RPH3AL: variants seen among roughly 807,000 people sequenced by gnomAD.
The protein encoded by RPH3AL is rabphilin 3A like (without C2 domains).
Under a neutral mutation model 43.1 loss-of-function variants are expected in RPH3AL, and 38 were observed. The ratio of observed to expected loss-of-function variants is 0.88; its 90% CI spans 0.68 to 1.15. The LOEUF (loss-of-function observed/expected upper bound fraction) is 1.15. Among genes scored for constraint, RPH3AL ranks in the 50% most tolerant of loss-of-function variants. The pLI is 0.00. For missense variants in RPH3AL, 462 were observed against 423.2 expected (o/e 1.09, Z -0.81); for synonymous variants, 189 against 176.3 (o/e 1.07, Z -0.57).
At chr17:350,072 C>T (rs1012501556) in intron 1 of RPH3AL, among the ~76,000 whole-genome samples, 4 of 151,650 alleles carry the variant, frequency 2.6e-5, no homozygotes, top group Non-Finnish European at 5.9e-5. Flanking sequence ...CTACAGCTAA[C>T]CAGCGGTTTA....
chr17:218,805 C>T (rs771908870), intron 8 of RPH3AL, among the ~76,000 whole-genome samples: 11 of 152,168 alleles, frequency 7.2e-5, no homozygotes, highest in Non-Finnish European at 1.3e-4. Flanking sequence ...CACTTGCTAA[C>T]GAGAAGGAAA....
intron 5 of RPH3AL, among the ~76,000 whole-genome samples, chr17:294,309 A>G (rs1478089908): frequency 6.8e-6 from 1 of 147,886 alleles, no homozygotes; most frequent in Non-Finnish European, 1.5e-5. Context: ...AAAAAAAAAA[A>G]TACAAAAATT....
chr17:286,087 G>A (rs950552819), intron 5 of RPH3AL, among the ~76,000 whole-genome samples: 3 of 152,184 alleles, frequency 2.0e-5, no homozygotes, highest in Admixed American at 1.3e-4. Flanking sequence ...GGGGTTTGAG[G>A]GACAAATGTG....
intron 3 of RPH3AL, 40 bp downstream of exon 3, chr17:327,427 A>T: frequency 6.4e-7 from 1 of 1,557,644 alleles, no homozygotes; most frequent in Non-Finnish European, 8.9e-7. Flanking sequence ...GCAGGGAGGC[A>T]GAAGGAAGGG....
At chr17:317,144 G>GC (rs2044278723) in intron 5 of RPH3AL, among the ~76,000 whole-genome samples, 1 of 84,328 alleles carries the variant, frequency 1.2e-5, no homozygotes, top group African/African-American at 4.1e-5. Flanking sequence ...TAGTCCCTGT[G>GC]CCCCACCTCC....
rs907628154 is a variant in RPH3AL at position 212,509 on chromosome 17, C to T, written c.*1343G>A. 6.6e-6 allele frequency: 1 copy of T among 152,098 alleles called. No homozygotes were observed. Among genetic ancestry groups the T allele is most frequent in the Non-Finnish European group, 1.5e-5 (1 of 68,032 alleles). The allele number at this position is 152,098 out of a possible 1,614,324, so 9.4% of individuals were successfully genotyped here. On this transcript the variant is annotated 3_prime_UTR_variant, in exon 10 of 10. Transcript: ENST00000331302. ...ACACTGGCTCGGTGCAAATTTTAAT[C>T]TTCATTGTTTTAATTCTGAAGCATA... is the stretch of plus-strand genomic sequence containing the variant.
At chr17:332,098 G>C (rs866438576) in intron 2 of RPH3AL, 2 of 356,226 alleles carry the variant, frequency 5.6e-6, no homozygotes, top group Admixed American at 7.5e-5. Flanking sequence ...GGGAGAAGAC[G>C]GAGGAGATTT....
At chr17:332,008 G>A (rs1351644982) in intron 2 of RPH3AL, 2 of 607,758 alleles carry the variant, frequency 3.3e-6, no homozygotes, top group East Asian at 6.7e-5. Context: ...AGAGGCAGGA[G>A]GTTCTGTGGA....
intron 7 of RPH3AL, 71 bp downstream of exon 7, chr17:247,040 T>C: frequency 1.3e-6 from 2 of 1,571,530 alleles, no homozygotes; most frequent in Non-Finnish European, 1.7e-6. Context: ...GCCTTGTGCC[T>C]GCAAACTGCC....
intron 5 of RPH3AL, among the ~76,000 whole-genome samples, chr17:318,053 C>G (rs1490950933): frequency 6.6e-6 from 1 of 152,116 alleles, no homozygotes; most frequent in East Asian, 1.9e-4. Flanking sequence ...AAAATTCCTT[C>G]TCTGTCTTCT....
chr17:316,692 C>T, intron 5 of RPH3AL, among the ~76,000 whole-genome samples: 1 of 150,814 alleles, frequency 6.6e-6, no homozygotes, highest in South Asian at 2.1e-4. Flanking sequence ...CCCTGTGCCC[C>T]ACCTCCATTG....
intron 3 of RPH3AL, chr17:321,736 A>C (rs532498484): frequency 2.2e-5 from 7 of 320,448 alleles, no homozygotes; most frequent in East Asian, 5.4e-5. Context: ...TGCCGTGTGC[A>C]GGGGGCAAGG....
Position 266,307 on chromosome 17 carries a change from T to A in RPH3AL, c.438+15461A>T, listed in dbSNP as rs566927816. On this transcript the variant is annotated intron_variant, in intron 6 of 9. Coordinates refer to ENST00000331302, the MANE Select transcript of RPH3AL (RefSeq NM_006987.4). ...TGTGCTCCCCAGTGGGGTGTGTGTG[T>A]GTGCACCTGCGTGCATGCTGGTGAG... is the stretch of plus-strand genomic sequence containing the variant. Among the ~76,000 whole-genome samples the A allele has an allele frequency of 2.0e-5, 3 of 151,410 alleles. No homozygotes were observed. The East Asian group carries it at 5.9e-4, about 30-fold the overall frequency.
chr17:335,285 C>A (rs778748598), intron 1 of RPH3AL, among the ~76,000 whole-genome samples: 1 of 152,172 alleles, frequency 6.6e-6, no homozygotes, highest in East Asian at 1.9e-4. Context: ...GGGAAGGAGG[C>A]GGCGGACGGA....
In RPH3AL at chr17:328,314, C is replaced by T. The variant is rs955472192; in HGVS notation, c.-36-735G>A. Among the ~76,000 whole-genome samples the T allele has an allele frequency of 6.6e-6, 1 of 150,820 alleles. No individual in the cohort carries two copies. Among genetic ancestry groups the T allele is most frequent in the African/African-American group, 2.4e-5 (1 of 40,934 alleles). On this transcript the variant is annotated intron_variant, in intron 2 of 9. Coordinates refer to ENST00000331302, the MANE Select transcript of RPH3AL (RefSeq NM_006987.4). This position sits in a 1 kb window ranked among gnomAD's most constrained non-coding sequence, Gnocchi z 4.2. ...TGTCTTTGGTGGTCTGAGGATGCCA[C>T]GCGTGCATTCTGAAGGGAGTGTGGG...
At chr17:236,752 G>A (rs1317793520) in intron 7 of RPH3AL, among the ~76,000 whole-genome samples, 1 of 152,262 alleles carries the variant, frequency 6.6e-6, no homozygotes, top group Non-Finnish European at 1.5e-5. Context: ...GCCAGCCTTG[G>A]TGGTCCCTGA....
chr17:241,328 C>G lies in RPH3AL; in HGVS notation c.613+5783G>C, dbSNP rs145088723. 1.1e-4 allele frequency among the ~76,000 whole-genome samples: 16 copies of G among 151,190 alleles called. 1 individual carries two copies. Among genetic ancestry groups the G allele is most frequent in the African/African-American group, 3.2e-4 (13 of 41,156 alleles). ...GGAGGATCACGTGAGCCCAGGAGGT[C>G]AAGGCTGCAGCGAGCCATGATTGTG... On this transcript the variant is annotated intron_variant, in intron 7 of 9. Coordinates refer to ENST00000331302, the MANE Select transcript of RPH3AL (RefSeq NM_006987.4).
intron 7 of RPH3AL, among the ~76,000 whole-genome samples, chr17:222,016 T>C (rs1410400381): frequency 9.6e-5 from 13 of 136,060 alleles, no homozygotes; most frequent in Admixed American, 2.2e-4. Context: ...ACTGAGACAA[T>C]AGACCCAAGC....
chr17:252,276 C>T (rs1450798517), intron 6 of RPH3AL, among the ~76,000 whole-genome samples: 2 of 152,084 alleles, frequency 1.3e-5, no homozygotes, highest in Non-Finnish European at 2.9e-5. Context: ...CGCCTAGCCT[C>T]TCCCTTTTTT....
Sources: allele counts gnomAD v4.1 joint callset (sites outside exome capture counted in the v4.1 genomes callset), GRCh38; gene constraint gnomAD v4.1.1; non-coding constraint Gnocchi (gnomAD v3.1); transcripts MANE v1.5; gene names NCBI Gene and HGNC (gene_info 2026-07-23, HGNC 2026-07-21).